Variants in ARMH4 observed in about 807,000 individuals in gnomAD.
ARMH4 encodes the protein armadillo like helical domain containing 4, also known as armadillo-like helical domain-containing protein 4.
A neutral mutation model predicts 61.9 loss-of-function variants in ARMH4; 49 were observed. The observed-to-expected ratio is 0.79, with a 90% CI of 0.63 to 1.00. ARMH4 has a LOEUF of 1.00. Ranked by LOEUF, ARMH4 falls within the 50% of genes least tolerant of loss-of-function variation. ARMH4 has a pLI of 0.00. For missense variants in ARMH4, 934 were observed against 930.0 expected, an observed-to-expected ratio of 1.00 and a Z score of -0.06; for synonymous variants, 368 against 341.5, an observed-to-expected ratio of 1.08 and a Z score of -0.85.
At chr14:58,146,174 T>C (rs1887727140) in intron 1 of ARMH4, among the ~76,000 whole-genome samples, 3 of 152,234 alleles carry the variant, frequency 2.0e-5, no homozygotes, top group Admixed American at 1.3e-4. Context: ...TCAGTAAATA[T>C]TGGCTGAACA....
chr14:58,046,207 G>T (rs950800631), intron 5 of ARMH4, among the ~76,000 whole-genome samples: 2 of 152,150 alleles, frequency 1.3e-5, no homozygotes, highest in East Asian at 1.9e-4. Flanking sequence ...TAATGGACCA[G>T]GTTTCACAGG....
At chr14:58,047,814 G>GA (rs1206456074) in intron 5 of ARMH4, among the ~76,000 whole-genome samples, 2 of 151,924 alleles carry the variant, frequency 1.3e-5, no homozygotes, top group Non-Finnish European at 2.9e-5. Context: ...ATAGGAATAG[G>GA]AAAAAAAGCC....
chr14:58,070,820 A>AT, intron 5 of ARMH4, among the ~76,000 whole-genome samples: 1 of 151,994 alleles, frequency 6.6e-6, no homozygotes, highest in East Asian at 1.9e-4. Flanking sequence ...CTATTTTTTT[A>AT]TTTTTTTGTA....
chr14:58,076,115 G>A (rs1001328857), intron 5 of ARMH4, among the ~76,000 whole-genome samples: 2 of 151,246 alleles, frequency 1.3e-5, no homozygotes, highest in Non-Finnish European at 3.0e-5. Context: ...GGAGGGGGAA[G>A]GGGAGGAGGA....
chr14:58,062,941 G>C (rs1175908727), intron 5 of ARMH4, among the ~76,000 whole-genome samples: 3 of 152,170 alleles, frequency 2.0e-5, no homozygotes, highest in African/African-American at 7.2e-5. Flanking sequence ...GGGTATACTA[G>C]CTCCCTGGCA....
chr14:58,069,393 C>T (rs960921450), intron 5 of ARMH4, among the ~76,000 whole-genome samples: 3 of 152,058 alleles, frequency 2.0e-5, no homozygotes, highest in Non-Finnish European at 4.4e-5. Context: ...TCTCATATGA[C>T]AGACATTTAA....
chr14:58,064,062 TATCAACA>T lies in ARMH4; in HGVS notation c.2089+32655_2089+32661del, dbSNP rs1566563684. ...AACAAAGATTTAGCTATACTTACAA[TATCAACA>T]ATAGGTTGAGCCAACACCCAAAATG... On this transcript the variant is annotated intron_variant, in intron 5 of 7. Transcript: ENST00000267485. 4.9e-3 allele frequency among the ~76,000 whole-genome samples: 749 copies of T among 152,256 alleles called. 1 individual carries two copies. Among genetic ancestry groups the T allele is most frequent in the African/African-American group, 0.018 (735 of 41,512 alleles).
In ARMH4 at chr14:58,000,952, CA is replaced by C. The variant is rs1566533098; in HGVS notation, c.*3783del. ...TGTTAACTATAGGCACTATGTTATA[CA>C]GCAGAGCTCTAGAACTTATTCATCT... On this transcript the variant is annotated 3_prime_UTR_variant, in exon 8 of 8. Coordinates refer to ENST00000267485, the MANE Select transcript of ARMH4 (RefSeq NM_001001872.4). 6.6e-6 allele frequency: 1 copy of C among 152,168 alleles called. No homozygotes were observed. The highest frequency in any genetic ancestry group is 1.9e-4 in the East Asian group (1 of 5,194). 9.4% of individuals were successfully genotyped at this position (152,168 alleles called of 1,614,324 possible).
At chr14:58,004,981 T>C (rs727203) in intron 7 of ARMH4, 67 bp downstream of exon 7, 566,199 of 1,603,198 alleles carry the variant, frequency 0.35, 101,394 homozygotes, top group East Asian at 0.56. Context: ...GTGTGCTTTA[T>C]TAAGTAAATT....
chr14:58,077,471 G>A (rs951096339), intron 5 of ARMH4, among the ~76,000 whole-genome samples: 8 of 152,134 alleles, frequency 5.3e-5, no homozygotes, highest in Admixed American at 2.0e-4. Context: ...GTCAGGAAGC[G>A]TGGTGCACAC....
intron 5 of ARMH4, among the ~76,000 whole-genome samples, chr14:58,062,900 G>C (rs1300821298): frequency 6.6e-6 from 1 of 152,192 alleles, no homozygotes; most frequent in African/African-American, 2.4e-5. Context: ...CCATGAAGGG[G>C]AGAAGAGAAG....
intron 5 of ARMH4, among the ~76,000 whole-genome samples, chr14:58,013,518 G>T (rs997924515): frequency 6.6e-6 from 1 of 152,126 alleles, no homozygotes; most frequent in Non-Finnish European, 1.5e-5. Flanking sequence ...CAAGAAGTCG[G>T]TGCCTCCATT....
At chr14:58,029,325 C>T (rs1594702839) in intron 5 of ARMH4, among the ~76,000 whole-genome samples, 1 of 152,132 alleles carries the variant, frequency 6.6e-6, no homozygotes, top group Non-Finnish European at 1.5e-5. Context: ...CCTCCGCCCC[C>T]CAGGTTCAAG....
At chr14:58,110,139 A>T (rs972601967) in intron 4 of ARMH4, among the ~76,000 whole-genome samples, 1 of 152,208 alleles carries the variant, frequency 6.6e-6, no homozygotes, top group African/African-American at 2.4e-5. Context: ...AAACCGTATC[A>T]ATAGCTTAAG....
chr14:58,129,322 G>C (rs1431015257), intron 4 of ARMH4, among the ~76,000 whole-genome samples: 1 of 152,132 alleles, frequency 6.6e-6, no homozygotes, highest in Non-Finnish European at 1.5e-5. Context: ...TTCTTCTTTG[G>C]TGTCTAATGT....
At chr14:58,135,328 A>T (rs1209794996) in intron 2 of ARMH4, among the ~76,000 whole-genome samples, 5 of 152,312 alleles carry the variant, frequency 3.3e-5, no homozygotes, top group African/African-American at 1.2e-4. Flanking sequence ...CTGTACCTCT[A>T]GCACATAGGG....
chr14:58,134,080 AAAGAT>A (rs1887220370), intron 2 of ARMH4, among the ~76,000 whole-genome samples: 1 of 152,262 alleles, frequency 6.6e-6, no homozygotes, highest in South Asian at 2.1e-4. Context: ...GAGTTACTAC[AAAGAT>A]TAGATAACAC....
chr14:58,051,052 T>C (rs1638848189), intron 5 of ARMH4, among the ~76,000 whole-genome samples: 1 of 151,476 alleles, frequency 6.6e-6, no homozygotes, highest in African/African-American at 2.4e-5. Flanking sequence ...GGTGATAACT[T>C]TTTTGGGGAA....
Position 58,145,939 on chromosome 14 carries a change from T to A in ARMH4, c.-57+6136A>T, listed in dbSNP as rs568534977. On this transcript the variant is annotated intron_variant, in intron 1 of 7. Transcript: ENST00000267485. ...CCTTCAAATTCCAGGATTTTCTCCA[T>A]CTTTCAAAGCCCAGTATAGGTTCAT... Among the ~76,000 whole-genome samples the A allele has an allele frequency of 3.9e-5, 6 of 152,368 alleles. No individual in the cohort carries two copies. In the South Asian group the frequency reaches 1.2e-3, roughly 32 times the overall value.
Sources: allele counts gnomAD v4.1 joint callset (sites outside exome capture counted in the v4.1 genomes callset), GRCh38; gene constraint gnomAD v4.1.1; transcripts MANE v1.5; gene names NCBI Gene and HGNC (gene_info 2026-07-23, HGNC 2026-07-21).